The following NRP2 variants were observed in gnomAD, a reference collection of about 807,000 sequenced individuals.
The protein encoded by NRP2 is neuropilin-2.
NRP2 carries 52 observed loss-of-function variants against 110.4 expected under a neutral mutation model. That is an observed-to-expected ratio of 0.47 (90% CI 0.38 to 0.59). The LOEUF (loss-of-function observed/expected upper bound fraction) is 0.59. NRP2 is among the 20% of genes least tolerant of loss of function. The pLI is 0.00. For missense variants in NRP2, 1,049 were observed against 1,203.0 expected, an observed-to-expected ratio of 0.87 and a Z score of 1.89; for synonymous variants, 508 against 468.9, an observed-to-expected ratio of 1.08 and a Z score of -1.08.
In NRP2 at chr2:205,763,400, G is replaced by A. The variant is rs1559355116; in HGVS notation, c.2045-274G>A. ...AGCCAAGACATAAGGCAGCTGTGCC[G>A]GGTGCTCCATGTGAAAGAGATGGAA... On this transcript the variant is annotated intron_variant, in intron 12 of 16. Coordinates refer to ENST00000357785, the MANE Select transcript of NRP2 (RefSeq NM_003872.3). This position sits in a 1 kb window ranked among gnomAD's most constrained non-coding sequence, Gnocchi z 4.0. 1.3e-5 allele frequency among the ~76,000 whole-genome samples: 2 copies of A among 152,078 alleles called. No homozygotes were observed. The highest frequency in any genetic ancestry group is 2.1e-4 in the South Asian group (1 of 4,810).
At chr2:205,723,182 T>C (rs2057056484) in intron 4 of NRP2, among the ~76,000 whole-genome samples, 2 of 152,356 alleles carry the variant, frequency 1.3e-5, no homozygotes, top group South Asian at 4.2e-4. Flanking sequence ...TTTAAAATTG[T>C]CATTAATATA....
At chr2:205,788,217 C>T (rs2058257297) in intron 15 of NRP2, among the ~76,000 whole-genome samples, 1 of 152,138 alleles carries the variant, frequency 6.6e-6, no homozygotes. Context: ...AATAAGGTGA[C>T]TTTTTGGCCT....
rs1390469024 is a variant in NRP2 at position 205,763,199 on chromosome 2, C to T, written c.2045-475C>T. Among the ~76,000 whole-genome samples the T allele has an allele frequency of 6.6e-6, 1 of 152,146 alleles. No individual in the cohort carries two copies. The highest frequency in any genetic ancestry group is 2.4e-5 in the African/African-American group (1 of 41,436). On this transcript the variant is annotated intron_variant, in intron 12 of 16. Transcript: ENST00000357785. The surrounding 1 kb of genome is among the most constrained non-coding windows in gnomAD (Gnocchi z 4.0). ...CAGCCAAGATGGCCAGGGCTGGAAG[C>T]ATCAACCACCTGGTCATAGTCACCC...
intron 15 of NRP2, among the ~76,000 whole-genome samples, chr2:205,773,845 G>T (rs1439299222): frequency 2.0e-5 from 3 of 152,206 alleles, no homozygotes; most frequent in Non-Finnish European, 4.4e-5. Context: ...GGGAATGTGG[G>T]TAGTTGTGAC....
chr2:205,743,576 G>T lies in NRP2; in HGVS notation c.1641+24G>T, dbSNP rs761804910. The T allele has an allele frequency of 1.4e-5, 23 of 1,612,584 alleles. No individual in the cohort carries two copies. The Admixed American group carries it at 3.8e-4, about 27-fold the overall frequency. On this transcript the variant is annotated intron_variant, in intron 9 of 16. Coordinates refer to ENST00000357785, the MANE Select transcript of NRP2 (RefSeq NM_003872.3). ...AGGTAGGCTGTTCTTGGAGGCCTCTGTAACGTTACCCTCAACAGGGAGGCT... is the reference window on the plus strand; with the variant it reads ...AGGTAGGCTGTTCTTGGAGGCCTCTTTAACGTTACCCTCAACAGGGAGGCT...
chr2:205,763,640 A>C lies in NRP2; in HGVS notation c.2045-34A>C. On this transcript the variant is annotated intron_variant, in intron 12 of 16. Coordinates refer to ENST00000357785, the MANE Select transcript of NRP2 (RefSeq NM_003872.3). The surrounding 1 kb of genome is among the most constrained non-coding windows in gnomAD (Gnocchi z 4.0). ...ACACTGGTGTCTTTCCCGAGTGTTT[A>C]TGGAGAACCTCTGTTTGGGTTTGTT... The C allele has an allele frequency of 6.2e-7, 1 of 1,613,750 alleles. No homozygotes were observed. The highest frequency in any genetic ancestry group is 8.5e-7 in the Non-Finnish European group (1 of 1,179,996).
intron 1 of NRP2, among the ~76,000 whole-genome samples, chr2:205,696,818 G>A (rs952233014): frequency 2.0e-5 from 3 of 152,186 alleles, no homozygotes; most frequent in East Asian, 1.9e-4. Context: ...CACCTTTGTC[G>A]AAATTCCAAG....
intron 15 of NRP2, among the ~76,000 whole-genome samples, chr2:205,769,417 T>C (rs1364342817): frequency 6.6e-6 from 1 of 152,132 alleles, no homozygotes; most frequent in African/African-American, 2.4e-5. Flanking sequence ...TCTTTCATTT[T>C]CCGCCTCTTA....
intron 16 of NRP2, among the ~76,000 whole-genome samples, chr2:205,793,124 TC>T (rs1245139792): frequency 6.6e-6 from 1 of 152,162 alleles, no homozygotes; most frequent in Admixed American, 6.5e-5. Flanking sequence ...CTGCAGACTC[TC>T]CCTGCAAAAC....
chr2:205,769,893 T>C (rs2057992021), intron 15 of NRP2, among the ~76,000 whole-genome samples: 1 of 152,172 alleles, frequency 6.6e-6, no homozygotes, highest in Non-Finnish European at 1.5e-5. Context: ...CCCAATACTT[T>C]CTTTTTTCAA....
Position 205,745,730 on chromosome 2 carries a change from G to C in NRP2, c.1642-16G>C. On this transcript the variant is annotated splice_polypyrimidine_tract_variant and intron_variant, in intron 9 of 16. Transcript: ENST00000357785. ...GGTCCCACACCAGAAGGGCTGAGTG[G>C]CCTCTCTCCCTGCAGCTGTTCGAAG... 6.2e-7 allele frequency: 1 copy of C among 1,614,022 alleles called. No individual in the cohort carries two copies. Among genetic ancestry groups the C allele is most frequent in the Non-Finnish European group, 8.5e-7 (1 of 1,179,928 alleles).
Position 205,765,584 on chromosome 2 carries a change from T to C in NRP2, c.2404+14T>C. 3 of 1,597,530 alleles carry C rather than the reference T, an allele frequency of 1.9e-6. No homozygotes were observed. Among genetic ancestry groups the C allele is most frequent in the Non-Finnish European group, 2.6e-6 (3 of 1,164,840 alleles). On this transcript the variant is annotated intron_variant, in intron 14 of 16. Transcript: ENST00000357785. ...AGAACTGCATGGGTATGTGAATATC[T>C]GTCTCTTCATGGTTCTTTCAAATAA...
At chr2:205,776,223 A>G in intron 15 of NRP2, 1 of 1,605,906 alleles carries the variant, frequency 6.2e-7, no homozygotes, top group Non-Finnish European at 8.5e-7. Flanking sequence ...GCCTAGCAAC[A>G]CTCTTCTGTG....
chr2:205,724,295 T>C (rs1377659527), intron 5 of NRP2, among the ~76,000 whole-genome samples: 1 of 152,238 alleles, frequency 6.6e-6, no homozygotes, highest in Non-Finnish European at 1.5e-5. Context: ...TAACATTTTT[T>C]TAGTCTGTGG....
chr2:205,722,400 C>T (rs2057038578), intron 3 of NRP2, 78 bp from the exon 4 acceptor site: 2 of 1,230,626 alleles, frequency 1.6e-6, no homozygotes, highest in Admixed American at 3.5e-5. Flanking sequence ...TGGGGCCAAA[C>T]ATTTAAATAA....
chr2:205,697,905 A>T, intron 2 of NRP2, 184 bp downstream of exon 2: 1 of 680,846 alleles, frequency 1.5e-6, no homozygotes, highest in Non-Finnish European at 2.7e-6. Flanking sequence ...GGTGTGGCTG[A>T]TCCCACAGTA....
intron 7 of NRP2, among the ~76,000 whole-genome samples, chr2:205,737,275 C>G (rs777372844): frequency 2.0e-5 from 3 of 152,170 alleles, no homozygotes; most frequent in Non-Finnish European, 4.4e-5. Flanking sequence ...TAAGGGACAA[C>G]GGGTAACTAA....
At chr2:205,684,406 G>A (rs2056094991) in intron 1 of NRP2, among the ~76,000 whole-genome samples, 1 of 152,168 alleles carries the variant, frequency 6.6e-6, no homozygotes, top group South Asian at 2.1e-4. Context: ...GTGAAAGAAA[G>A]GCGAAAAAGC....
chr2:205,769,500 A>G (rs1164085051), intron 15 of NRP2, among the ~76,000 whole-genome samples: 2 of 114,426 alleles, frequency 1.7e-5, no homozygotes, highest in East Asian at 5.0e-4. Flanking sequence ...GTGTATATAC[A>G]TACATACACA....
Sources: allele counts gnomAD v4.1 joint callset (sites outside exome capture counted in the v4.1 genomes callset), GRCh38; gene constraint gnomAD v4.1.1; non-coding constraint Gnocchi (gnomAD v3.1); transcripts MANE v1.5; gene names NCBI Gene and HGNC (gene_info 2026-07-23, HGNC 2026-07-21).